Variants in C16orf74 observed in about 807,000 individuals in gnomAD.
C16orf74 encodes the protein uncharacterized protein C16orf74.
In C16orf74, 10 loss-of-function variants were observed where a neutral mutation model predicts 6.5. The observed-to-expected ratio is 1.54, with a 90% CI of 0.95 to 2.61. The LOEUF (loss-of-function observed/expected upper bound fraction) is 2.61. C16orf74 is among the 30% of genes most tolerant of loss of function. The pLI, the probability that C16orf74 is intolerant of heterozygous loss-of-function variation, is 0.00. For synonymous variants in C16orf74, 60 were observed against 42.5 expected, an observed-to-expected ratio of 1.41 and a Z score of -1.60; for missense variants, 141 against 105.9, an observed-to-expected ratio of 1.33 and a Z score of -1.45.
intron 1 of C16orf74, among the ~76,000 whole-genome samples, chr16:85,740,394 T>C (rs890485810): frequency 1.4e-5 from 2 of 147,698 alleles, no homozygotes; most frequent in Admixed American, 6.8e-5. Context: ...ATCTCTCTAC[T>C]AAAAATACAA....
chr16:85,729,779 A>G (rs565178411), intron 2 of C16orf74, among the ~76,000 whole-genome samples: 1 of 152,306 alleles, frequency 6.6e-6, no homozygotes, highest in African/African-American at 2.4e-5. Flanking sequence ...AGACAGAGGC[A>G]GAGACTGGAC....
intron 1 of C16orf74, 125 bp from the exon 2 acceptor site, chr16:85,735,360 A>G (rs759675752): frequency 4.2e-5 from 21 of 498,592 alleles, no homozygotes; most frequent in Middle Eastern, 3.5e-4. Flanking sequence ...GAGAGAAACC[A>G]CCGGCCTCCA....
chr16:85,716,376 GGA>G (rs1369590265), intron 2 of C16orf74, among the ~76,000 whole-genome samples: 9 of 143,756 alleles, frequency 6.3e-5, no homozygotes, highest in Non-Finnish European at 1.2e-4. Flanking sequence ...GAGGGAAGGA[GGA>G]GAGAGGAGAG....
chr16:85,733,190 T>A (rs1347128906), intron 2 of C16orf74, among the ~76,000 whole-genome samples: 1 of 152,200 alleles, frequency 6.6e-6, no homozygotes, highest in Non-Finnish European at 1.5e-5. Context: ...GAAAATGTAG[T>A]CTGTCCACAT....
chr16:85,747,481 T>G (rs1424778751), intron 1 of C16orf74, among the ~76,000 whole-genome samples: 1 of 151,760 alleles, frequency 6.6e-6, no homozygotes, highest in Non-Finnish European at 1.5e-5. Flanking sequence ...CTATTTGAAG[T>G]CAGGTTAACG....
chr16:85,730,399 G>C (rs1423354112), intron 2 of C16orf74, among the ~76,000 whole-genome samples: 1 of 152,094 alleles, frequency 6.6e-6, no homozygotes, highest in Non-Finnish European at 1.5e-5. Flanking sequence ...GAGTGCCAAG[G>C]TGCCTCCCGG....
chr16:85,718,226 A>G, intron 2 of C16orf74, among the ~76,000 whole-genome samples: 1 of 151,596 alleles, frequency 6.6e-6, no homozygotes, highest in Non-Finnish European at 1.5e-5. Flanking sequence ...GGCACTCTCC[A>G]CCACACCTGG....
At chr16:85,708,537 G>A (rs1334047423) in intron 3 of C16orf74, among the ~76,000 whole-genome samples, 1 of 152,208 alleles carries the variant, frequency 6.6e-6, no homozygotes, top group African/African-American at 2.4e-5. Context: ...CTTGCTGTGT[G>A]TCCCTGGGCG....
intron 2 of C16orf74, among the ~76,000 whole-genome samples, chr16:85,732,549 C>G (rs1289194934): frequency 1.3e-5 from 2 of 151,558 alleles, no homozygotes; most frequent in Non-Finnish European, 2.9e-5. Flanking sequence ...GCCTGTAATC[C>G]CAGCTACTCA....
At chr16:85,712,097 G>A (rs527841613) in intron 2 of C16orf74, among the ~76,000 whole-genome samples, 1 of 152,348 alleles carries the variant, frequency 6.6e-6, no homozygotes, top group East Asian at 1.9e-4. Flanking sequence ...TTACGAGGAT[G>A]CTCAAGCAGC....
At chr16:85,735,752 C>CA (rs957948583) in intron 1 of C16orf74, among the ~76,000 whole-genome samples, 110 of 151,566 alleles carry the variant, frequency 7.3e-4, no homozygotes, top group African/African-American at 2.6e-3. Context: ...GACGTGTGGC[C>CA]CCCCCAGCCC....
chr16:85,743,076 G>A (rs1474890606), intron 1 of C16orf74, among the ~76,000 whole-genome samples: 1 of 152,154 alleles, frequency 6.6e-6, no homozygotes, highest in Non-Finnish European at 1.5e-5. Context: ...TGTGTTGGGG[G>A]TGAATTTATG....
chr16:85,720,077 C>T (rs1047339404), intron 2 of C16orf74, among the ~76,000 whole-genome samples: 1 of 150,680 alleles, frequency 6.6e-6, no homozygotes, highest in African/African-American at 2.4e-5. Flanking sequence ...ATTCCAATTA[C>T]AGGGAAAGCT....
chr16:85,734,868 C>T (rs908389610), intron 2 of C16orf74, among the ~76,000 whole-genome samples: 8 of 152,188 alleles, frequency 5.3e-5, no homozygotes, highest in African/African-American at 1.9e-4. Flanking sequence ...GCAAACAGCC[C>T]AGCATATGCC....
intron 1 of C16orf74, among the ~76,000 whole-genome samples, chr16:85,742,884 T>C (rs1162668803): frequency 2.0e-5 from 3 of 152,204 alleles, no homozygotes; most frequent in African/African-American, 4.8e-5. Context: ...GGGTATTCCT[T>C]TGCAGCAACA....
rs1314457386 is a variant in C16orf74, at chr16:85,740,211, C to CAAAAAAAAA, written c.-18-4985_-18-4977dup. On this transcript the variant is annotated intron_variant, in intron 1 of 3. Transcript: ENST00000284245. ...GGGCGACAAGAACGAGACTTTGTCT[C>CAAAAAAAAA]AAAAAAAAAAAAAAAAAAAGAAAAA... 1.2e-3 allele frequency among the ~76,000 whole-genome samples: 73 copies of CAAAAAAAAA among 60,068 alleles called. 2 individuals carry two copies. Among genetic ancestry groups the CAAAAAAAAA allele is most frequent in the South Asian group, 2.1e-3 (3 of 1,444 alleles). 39.4% of individuals were successfully genotyped at this position (60,068 alleles called of 152,430 possible).
intron 2 of C16orf74, among the ~76,000 whole-genome samples, chr16:85,725,648 CAATTTGGCAA>C (rs1404725174): frequency 1.3e-5 from 2 of 152,116 alleles, no homozygotes; most frequent in Non-Finnish European, 1.5e-5. Flanking sequence ...GTGGTTTTGG[CAATTTGGCAA>C]AATTTGGCAA....
At chr16:85,736,750 C>A (rs2054249025) in intron 1 of C16orf74, among the ~76,000 whole-genome samples, 1 of 152,202 alleles carries the variant, frequency 6.6e-6, no homozygotes, top group Admixed American at 6.5e-5. Context: ...TCACTTTCCT[C>A]ATCTTTAAAA....
chr16:85,710,982 A>C (rs2053963622), intron 2 of C16orf74: 1 of 152,266 alleles, frequency 6.6e-6, no homozygotes, highest in South Asian at 2.1e-4. Context: ...CCTTGAGCCT[A>C]GCGCATGCTC....
Sources: allele counts gnomAD v4.1 joint callset (sites outside exome capture counted in the v4.1 genomes callset), GRCh38; gene constraint gnomAD v4.1.1; transcripts MANE v1.5; gene names NCBI Gene and HGNC (gene_info 2026-07-23, HGNC 2026-07-21).